The following EFHC1 variants were observed in gnomAD, a reference collection of about 807,000 sequenced individuals.
EFHC1 encodes the protein EF-hand domain-containing protein 1.
EFHC1 carries 53 observed loss-of-function variants against 69.9 expected under a neutral mutation model. That is an observed-to-expected ratio of 0.76 (90% confidence interval 0.61 to 0.95). The LOEUF is 0.95. Among genes scored for constraint, EFHC1 ranks in the 40% least tolerant of loss-of-function variants. The pLI is 0.00. For synonymous variants in EFHC1, 256 were observed against 278.4 expected (o/e 0.92, Z 0.80); for missense variants, 739 against 798.7 (o/e 0.93, Z 0.90).
At chr6:52,463,525 ACTT>A (rs1337661980) in intron 5 of EFHC1, among the ~76,000 whole-genome samples, 3 of 152,204 alleles carry the variant, frequency 2.0e-5, no homozygotes, top group Non-Finnish European at 4.4e-5. Flanking sequence ...AGAGAGAAGA[ACTT>A]CTTAATTCTT....
At chr6:52,437,125 C>T (rs533308561) in intron 2 of EFHC1, among the ~76,000 whole-genome samples, 3 of 152,054 alleles carry the variant, frequency 2.0e-5, no homozygotes, top group Admixed American at 6.6e-5. Context: ...TATGTACACA[C>T]CCTTCAAAGA....
intron 9 of EFHC1, 24 bp from the exon 10 acceptor site, chr6:52,490,116 G>A: frequency 6.2e-7 from 1 of 1,607,184 alleles, no homozygotes; most frequent in Non-Finnish European, 8.5e-7. Flanking sequence ...ACCATGTGCA[G>A]TCATTTCCTT....
intron 8 of EFHC1, among the ~76,000 whole-genome samples, 156 bp from the exon 9 acceptor site, chr6:52,479,483 CA>C (rs2114024015): frequency 6.6e-6 from 1 of 152,296 alleles, no homozygotes; most frequent in African/African-American, 2.4e-5. Context: ...AAATACTGAG[CA>C]AACGACTGCA....
At chr6:52,428,215 T>TG (rs1462576405) in intron 2 of EFHC1, 1 of 152,196 alleles carries the variant, frequency 6.6e-6, no homozygotes. Context: ...CATAGGTTAC[T>TG]GGGGAACAGG....
At position 52,496,072 on chromosome 6, in the gene EFHC1, C is replaced by T. The variant is rs936073666; in HGVS notation, c.*3731C>T. ...TTATGCTACAGTCATAGCTGGCATG[C>T]ATCTGGAGTGTCAGGTTCAGGTGGT... On this transcript the variant is annotated 3_prime_UTR_variant, in exon 11 of 11. Coordinates refer to ENST00000371068, the MANE Select transcript of EFHC1 (RefSeq NM_018100.4). The T allele has an allele frequency of 1.7e-5, 3 of 181,370 alleles. No homozygotes were observed. The highest frequency in any genetic ancestry group is 1.6e-4 in the Admixed American group (3 of 18,732). 11.2% of individuals were successfully genotyped at this position (181,370 alleles called of 1,614,324 possible).
At chr6:52,429,197 T>C (rs1010562947) in intron 2 of EFHC1, among the ~76,000 whole-genome samples, 1 of 152,220 alleles carries the variant, frequency 6.6e-6, no homozygotes, top group Non-Finnish European at 1.5e-5. Flanking sequence ...TTTAGGTTAA[T>C]TAAGTCCCAG....
chr6:52,447,611 G>A (rs1231971382), intron 3 of EFHC1, among the ~76,000 whole-genome samples: 2 of 152,198 alleles, frequency 1.3e-5, no homozygotes, highest in African/African-American at 4.8e-5. Flanking sequence ...TCCATTGCTG[G>A]CGAGGAGCTG....
At chr6:52,464,447 A>C (rs1765249123) in intron 5 of EFHC1, among the ~76,000 whole-genome samples, 1 of 152,188 alleles carries the variant, frequency 6.6e-6, no homozygotes, top group African/African-American at 2.4e-5. Context: ...TAATTATCGT[A>C]ATCCCAGTAT....
chr6:52,470,903 A>G (rs990382729), intron 7 of EFHC1, among the ~76,000 whole-genome samples: 7 of 152,244 alleles, frequency 4.6e-5, no homozygotes, highest in African/African-American at 1.4e-4. Context: ...GTCAAACATG[A>G]TATATCACTA....
At chr6:52,438,180 G>A in intron 2 of EFHC1, 124 bp from the exon 3 acceptor site, 1 of 934,116 alleles carries the variant, frequency 1.1e-6, no homozygotes. Flanking sequence ...AAGATTTACA[G>A]GATAGAAGTG....
intron 4 of EFHC1, 111 bp downstream of exon 4, chr6:52,452,948 A>G (rs1455215397): frequency 6.3e-6 from 10 of 1,598,902 alleles, no homozygotes; most frequent in Admixed American, 5.0e-5. Flanking sequence ...CATTACAGCT[A>G]TAATTGAACT....
chr6:52,440,017 G>A (rs983833795), intron 3 of EFHC1, among the ~76,000 whole-genome samples: 1 of 151,934 alleles, frequency 6.6e-6, no homozygotes, highest in East Asian at 1.9e-4. Context: ...GTTTTTATGG[G>A]CAATTTGAAC....
intron 2 of EFHC1, among the ~76,000 whole-genome samples, chr6:52,426,840 A>G (rs1338848317): frequency 6.6e-6 from 1 of 152,180 alleles, no homozygotes; most frequent in Non-Finnish European, 1.5e-5. Context: ...TAGTTCAGAC[A>G]AGCCAAATGA....
At chr6:52,441,268 G>A (rs965856947) in intron 3 of EFHC1, among the ~76,000 whole-genome samples, 2 of 152,018 alleles carry the variant, frequency 1.3e-5, no homozygotes, top group Non-Finnish European at 2.9e-5. Context: ...ATAGTTTTGG[G>A]TTTTACATTT....
intron 2 of EFHC1, among the ~76,000 whole-genome samples, chr6:52,429,139 G>C (rs1301170996): frequency 2.0e-5 from 3 of 152,084 alleles, no homozygotes; most frequent in Non-Finnish European, 2.9e-5. Flanking sequence ...CCACTCTGTG[G>C]GTTGTCTGTT....
In EFHC1 at chr6:52,429,474, G is replaced by C. The variant is rs556014888; in HGVS notation, c.285+5307G>C. Among the ~76,000 whole-genome samples, 12 of 152,106 alleles carry C rather than the reference G, an allele frequency of 7.9e-5. No homozygotes were observed. In the South Asian group the frequency reaches 2.5e-3, roughly 32 times the overall value. On this transcript the variant is annotated intron_variant, in intron 2 of 10. Transcript: ENST00000371068. ...TGTCCTTTCCTCACTTTATGTTTTT[G>C]TTTGCTTTGTCAAAGATCAGTTGGC...
intron 2 of EFHC1, among the ~76,000 whole-genome samples, chr6:52,435,552 A>C (rs1764514740): frequency 6.6e-6 from 1 of 152,032 alleles, no homozygotes; most frequent in Non-Finnish European, 1.5e-5. Flanking sequence ...TTTCCTCAAC[A>C]CCTCATCTGC....
intron 6 of EFHC1, 90 bp downstream of exon 6, chr6:52,465,205 T>A (rs1581838505): frequency 1.8e-6 from 2 of 1,130,888 alleles, no homozygotes; most frequent in Non-Finnish European, 2.6e-6. Flanking sequence ...AAATATTCGA[T>A]AAATAATGGA....
At chr6:52,435,772 C>G (rs1764519646) in intron 2 of EFHC1, among the ~76,000 whole-genome samples, 1 of 152,174 alleles carries the variant, frequency 6.6e-6, no homozygotes, top group Admixed American at 6.5e-5. Context: ...CCCCTTGTAT[C>G]CTCTGCTGAT....
Sources: gnomAD v4.1 joint callset for allele counts (sites outside exome capture counted in the v4.1 genomes callset) on GRCh38, gnomAD v4.1.1 for gene constraint, MANE v1.5 for transcripts, NCBI Gene and HGNC (gene_info 2026-07-23, HGNC 2026-07-21) for gene names.